Variants in C9orf85 observed in about 807,000 individuals in gnomAD.
The protein encoded by C9orf85 is chromosome 9 open reading frame 85.
C9orf85 carries 16 observed loss-of-function variants against 14.9 expected under a neutral mutation model. That is an observed-to-expected ratio of 1.08 (90% CI 0.73 to 1.63). The LOEUF is 1.63. Ranked by LOEUF, C9orf85 falls within the 40% of genes most tolerant of loss-of-function variation. C9orf85 has a pLI of 0.00. For missense variants in C9orf85, 172 were observed against 186.1 expected (o/e 0.92, Z 0.44); for synonymous variants, 45 against 56.8 (o/e 0.79, Z 0.93).
intron 2 of C9orf85, among the ~76,000 whole-genome samples, chr9:71,964,985 C>A (rs762168567): frequency 6.6e-6 from 1 of 152,160 alleles, no homozygotes; most frequent in Non-Finnish European, 1.5e-5. Context: ...AGGAGCACAG[C>A]GGACACCCTA....
intron 1 of C9orf85, among the ~76,000 whole-genome samples, chr9:71,916,512 G>T (rs1486069837): frequency 6.6e-6 from 1 of 152,036 alleles, no homozygotes; most frequent in Admixed American, 6.6e-5. Context: ...CTTGGCTATG[G>T]AACGCTTTGA....
intron 2 of C9orf85, among the ~76,000 whole-genome samples, chr9:71,948,031 G>A (rs187572219): frequency 3.1e-4 from 47 of 152,312 alleles, no homozygotes; most frequent in Non-Finnish European, 1.5e-4. Flanking sequence ...GCTCAGCTGT[G>A]TAAGGACAAT....
chr9:71,980,962 T>C (rs1484847256), intron 3 of C9orf85, among the ~76,000 whole-genome samples: 1 of 152,206 alleles, frequency 6.6e-6, no homozygotes, highest in Non-Finnish European at 1.5e-5. Flanking sequence ...ACACTTCAGA[T>C]CCTATTAAGT....
At chr9:71,970,553 C>G (rs959857516) in intron 2 of C9orf85, among the ~76,000 whole-genome samples, 1 of 152,110 alleles carries the variant, frequency 6.6e-6, no homozygotes, top group African/African-American at 2.4e-5. Context: ...ATTCTGATGA[C>G]CTATATACGT....
intron 3 of C9orf85, 131 bp from the exon 4 acceptor site, chr9:71,972,561 A>G (rs1822904246): frequency 3.5e-6 from 2 of 575,138 alleles, no homozygotes; most frequent in Non-Finnish European, 5.6e-6. Context: ...TCCCAGGTGG[A>G]TCTTTTTCTT....
chr9:71,942,694 G>A (rs1371251292), intron 1 of C9orf85, among the ~76,000 whole-genome samples: 1 of 152,204 alleles, frequency 6.6e-6, no homozygotes, highest in Non-Finnish European at 1.5e-5. Flanking sequence ...CTTGAGGTCA[G>A]GAGTTCGAGA....
At chr9:71,969,215 C>A (rs1822790060) in intron 2 of C9orf85, among the ~76,000 whole-genome samples, 1 of 152,204 alleles carries the variant, frequency 6.6e-6, no homozygotes, top group Non-Finnish European at 1.5e-5. Flanking sequence ...GTGGCGCAAT[C>A]TTGGCTCACT....
rs928025034 is a variant in C9orf85, at chr9:71,963,229, A to T, written c.210-8276A>T. Among the ~76,000 whole-genome samples the T allele has an allele frequency of 1.4e-3, 217 of 152,318 alleles. 2 individuals carry two copies. Among genetic ancestry groups the T allele is most frequent in the African/African-American group, 5.0e-3 (206 of 41,570 alleles). On this transcript the variant is annotated intron_variant, in intron 2 of 3. Coordinates refer to ENST00000334731, the MANE Select transcript of C9orf85 (RefSeq NM_182505.5). ...AGGACTTTTAGTATCCATTATAAAA[A>T]ATGAGACTCAGAGAAGTTAAAGTAA...
intron 1 of C9orf85, among the ~76,000 whole-genome samples, chr9:71,936,230 C>G (rs924292058): frequency 5.3e-5 from 8 of 152,002 alleles, no homozygotes; most frequent in Non-Finnish European, 1.2e-4. Flanking sequence ...ATCAGAACTT[C>G]CAGAGACATG....
intron 3 of C9orf85, among the ~76,000 whole-genome samples, chr9:71,971,847 GC>G (rs1159945154): frequency 1.3e-5 from 2 of 151,912 alleles, no homozygotes; most frequent in African/African-American, 4.8e-5. Flanking sequence ...AGTGGCAGGC[GC>G]CTGTAATCCC....
At chr9:71,912,815 C>T (rs1315546956) in intron 1 of C9orf85, among the ~76,000 whole-genome samples, 1 of 152,054 alleles carries the variant, frequency 6.6e-6, no homozygotes, top group Non-Finnish European at 1.5e-5. Flanking sequence ...ACCCTGGAGG[C>T]GGTGGTTGCA....
chr9:71,929,967 A>C (rs371734306), intron 1 of C9orf85, among the ~76,000 whole-genome samples: 7 of 150,684 alleles, frequency 4.6e-5, no homozygotes, highest in Admixed American at 1.3e-4. Flanking sequence ...CTCATCTGCA[A>C]AACGAGGATA....
chr9:71,949,208 A>C (rs1341932535), intron 2 of C9orf85, among the ~76,000 whole-genome samples: 2 of 152,224 alleles, frequency 1.3e-5, no homozygotes, highest in African/African-American at 4.8e-5. Context: ...TAGGCAATAA[A>C]CAACATTTAT....
chr9:71,971,489 T>G lies in C9orf85; in HGVS notation c.210-16T>G. Reference sequence around the variant, plus strand: ...AAATAAACATAAATAAGTTAACATTTTATTTTTTATTTTAGTGTTAAATGT... The same window carrying G: ...AAATAAACATAAATAAGTTAACATTGTATTTTTTATTTTAGTGTTAAATGT... On this transcript the variant is annotated splice_polypyrimidine_tract_variant and intron_variant, in intron 2 of 3. Transcript: ENST00000334731. The G allele has an allele frequency of 7.1e-7, 1 of 1,400,022 alleles. No individual in the cohort carries two copies. Among genetic ancestry groups the G allele is most frequent in the South Asian group, 1.2e-5 (1 of 80,060 alleles). The allele number at this position is 1,400,022 out of a possible 1,614,324, so 86.7% of individuals were successfully genotyped here. A position where few individuals can be genotyped will look rare whatever the true frequency, so the allele number is the denominator to read the frequency against.
chr9:71,955,560 A>G (rs1822361508), intron 2 of C9orf85, among the ~76,000 whole-genome samples: 1 of 152,134 alleles, frequency 6.6e-6, no homozygotes, highest in Admixed American at 6.5e-5. Flanking sequence ...CCTTATTTGA[A>G]CCTACTTTGA....
chr9:71,974,344 A>G (rs958978667), downstream of C9orf85, among the ~76,000 whole-genome samples: 2 of 151,528 alleles, frequency 1.3e-5, no homozygotes, highest in Non-Finnish European at 2.9e-5. Flanking sequence ...CCCGGGTTCA[A>G]GTGATTCTCC....
intron 1 of C9orf85, among the ~76,000 whole-genome samples, chr9:71,925,492 AAAAACT>A (rs1163740991): frequency 6.6e-6 from 1 of 152,244 alleles, no homozygotes; most frequent in African/African-American, 2.4e-5. Flanking sequence ...TATGATACCA[AAAAACT>A]GAAGAAGGTT....
At chr9:71,935,054 C>G (rs1828157907) in intron 1 of C9orf85, among the ~76,000 whole-genome samples, 1 of 152,134 alleles carries the variant, frequency 6.6e-6, no homozygotes, top group African/African-American at 2.4e-5. Flanking sequence ...ATGAAAACTA[C>G]AAGATACCAC....
chr9:71,958,356 G>T (rs998794930), intron 2 of C9orf85, among the ~76,000 whole-genome samples: 1 of 150,814 alleles, frequency 6.6e-6, no homozygotes. Context: ...TCTGCCTCCC[G>T]GGTTCAAGCC....
Sources: gnomAD v4.1 joint callset for allele counts (sites outside exome capture counted in the v4.1 genomes callset) on GRCh38, gnomAD v4.1.1 for gene constraint, MANE v1.5 for transcripts, NCBI Gene and HGNC (gene_info 2026-07-23, HGNC 2026-07-21) for gene names.